The following TSHR variants were observed in gnomAD, a reference collection of about 807,000 sequenced individuals.
TSHR encodes thyroid stimulating hormone receptor.
Under a neutral mutation model 64.1 loss-of-function variants are expected in TSHR, and 51 were observed. The ratio of observed to expected loss-of-function variants is 0.80; its 90% confidence interval spans 0.64 to 1.01. TSHR has a LOEUF of 1.01. TSHR is among the 50% of genes least tolerant of loss of function. The pLI is 0.00. For synonymous variants in TSHR, 361 were observed against 361.9 expected (o/e 1.00, Z 0.03); for missense variants, 877 against 942.8 (o/e 0.93, Z 0.91).
At chr14:81,002,726 G>A (rs1889384322) in intron 1 of TSHR, among the ~76,000 whole-genome samples, 1 of 141,550 alleles carries the variant, frequency 7.1e-6, no homozygotes, top group African/African-American at 2.7e-5. Flanking sequence ...AATCTGGTTT[G>A]CTATCCTATT....
intron 1 of TSHR, among the ~76,000 whole-genome samples, chr14:81,003,973 T>C (rs553536923): frequency 6.6e-6 from 1 of 152,214 alleles, no homozygotes; most frequent in Non-Finnish European, 1.5e-5. Context: ...AACTATCATG[T>C]AGACCAGTGG....
At chr14:81,068,157 G>T in intron 2 of TSHR, 97 bp from the exon 3 acceptor site, 1 of 1,113,960 alleles carries the variant, frequency 9.0e-7, no homozygotes, top group South Asian at 1.3e-5. Flanking sequence ...TGCATGATCT[G>T]GGAAGCGCAT....
intron 1 of TSHR, chr14:80,982,087 T>C: frequency 1.9e-6 from 1 of 530,770 alleles, no homozygotes; most frequent in South Asian, 2.1e-5. Context: ...ACGGGTGTGG[T>C]TAGGCCTGTA....
At chr14:81,107,094 T>C (rs1323032905) in intron 7 of TSHR, 1 of 152,182 alleles carries the variant, frequency 6.6e-6, no homozygotes, top group Non-Finnish European at 1.5e-5. Context: ...CACTGGTGAT[T>C]GGTAAAACTC....
At chr14:81,015,873 G>A (rs778598349) in intron 1 of TSHR, among the ~76,000 whole-genome samples, 7 of 151,922 alleles carry the variant, frequency 4.6e-5, no homozygotes, top group Non-Finnish European at 8.8e-5. Context: ...AGATCATGCG[G>A]TATTTGTCTT....
intron 1 of TSHR, among the ~76,000 whole-genome samples, chr14:80,971,422 TTC>T (rs898888814): frequency 2.0e-5 from 3 of 152,212 alleles, no homozygotes; most frequent in Non-Finnish European, 4.4e-5. Context: ...CTACTTTTGA[TTC>T]TCTCTATTGA....
chr14:81,092,846 C>T (rs1052429824), intron 6 of TSHR, among the ~76,000 whole-genome samples: 9 of 152,122 alleles, frequency 5.9e-5, no homozygotes, highest in Admixed American at 2.0e-4. Flanking sequence ...ACATTTTTCA[C>T]GTGAAGAACC....
At chr14:81,014,871 C>A (rs940042076) in intron 1 of TSHR, among the ~76,000 whole-genome samples, 1 of 152,158 alleles carries the variant, frequency 6.6e-6, no homozygotes, top group African/African-American at 2.4e-5. Context: ...AGAAACTTCA[C>A]GAGTGTCCAG....
At position 81,144,541 on chromosome 14, in the gene TSHR, A is replaced by C; in HGVS notation, c.*188A>C. The C allele has an allele frequency of 1.6e-6, 1 of 640,276 alleles. No homozygotes were observed. Among genetic ancestry groups the C allele is most frequent in the Non-Finnish European group, 2.7e-6 (1 of 372,994 alleles). 39.7% of individuals were successfully genotyped at this position (640,276 alleles called of 1,614,324 possible). A position where few individuals can be genotyped will look rare whatever the true frequency, so the allele number is the denominator to read the frequency against. On this transcript the variant is annotated 3_prime_UTR_variant, in exon 10 of 10. Coordinates refer to ENST00000298171, the MANE Select transcript of TSHR (RefSeq NM_000369.5). ...TAGTATTAACCTAATCATTGCCCCC[A>C]AGAAGGAAGTTAGGCTACCAGCATA...
chr14:81,070,268 C>T (rs972494604), intron 3 of TSHR, among the ~76,000 whole-genome samples: 4 of 152,060 alleles, frequency 2.6e-5, no homozygotes, highest in Admixed American at 1.3e-4. Flanking sequence ...AGGATAAATA[C>T]GAAGAAAGCT....
chr14:81,047,423 G>A (rs1384323028), intron 1 of TSHR, among the ~76,000 whole-genome samples: 1 of 152,122 alleles, frequency 6.6e-6, no homozygotes, highest in Non-Finnish European at 1.5e-5. Context: ...ATTTTTGAAT[G>A]CCTAGCCCAT....
chr14:81,044,304 T>G (rs879579236), intron 1 of TSHR, among the ~76,000 whole-genome samples: 1 of 152,124 alleles, frequency 6.6e-6, no homozygotes, highest in Non-Finnish European at 1.5e-5. Flanking sequence ...AAGACATACA[T>G]GGGACCAACA....
At chr14:81,068,549 G>C in intron 3 of TSHR, 1 of 524,948 alleles carries the variant, frequency 1.9e-6, no homozygotes, top group Non-Finnish European at 3.5e-6. Flanking sequence ...TAAAAGTTCT[G>C]TTCTTGAACC....
At chr14:81,036,845 T>C (rs974352781) in intron 1 of TSHR, among the ~76,000 whole-genome samples, 1 of 152,116 alleles carries the variant, frequency 6.6e-6, no homozygotes, top group Non-Finnish European at 1.5e-5. Flanking sequence ...AACAAAGTTA[T>C]AAATTTGGTG....
chr14:81,028,318 T>G (rs1566770342), intron 1 of TSHR, among the ~76,000 whole-genome samples: 1 of 152,080 alleles, frequency 6.6e-6, no homozygotes, highest in Non-Finnish European at 1.5e-5. Flanking sequence ...CAAAAAAATT[T>G]AATCGCAAAA....
intron 1 of TSHR, among the ~76,000 whole-genome samples, chr14:81,010,890 T>C (rs1323828124): frequency 6.6e-6 from 1 of 152,174 alleles, no homozygotes; most frequent in Non-Finnish European, 1.5e-5. Flanking sequence ...AAACTGAAGT[T>C]GGGTAAATCT....
rs112898362 is a variant in TSHR at position 81,036,201 on chromosome 14, G to A, written c.171-25947G>A. Among the ~76,000 whole-genome samples the A allele has an allele frequency of 6.4e-3, 967 of 152,254 alleles. 10 individuals carry two copies. Among genetic ancestry groups the A allele is most frequent in the Middle Eastern group, 0.031 (9 of 294 alleles). Reference sequence around the variant, plus strand: ...AAAACAACAGTTAAAAACTTCCCACGTCTTTGGAGAGATATGTACATCCAG... The same window carrying A: ...AAAACAACAGTTAAAAACTTCCCACATCTTTGGAGAGATATGTACATCCAG... On this transcript the variant is annotated intron_variant, in intron 1 of 9. Coordinates refer to ENST00000298171, the MANE Select transcript of TSHR (RefSeq NM_000369.5).
intron 5 of TSHR, among the ~76,000 whole-genome samples, chr14:81,092,220 TG>T (rs1345930201): frequency 6.6e-6 from 1 of 152,166 alleles, no homozygotes; most frequent in Non-Finnish European, 1.5e-5. Context: ...GACAAAGTGT[TG>T]CAGATTCGGG....
rs138131425 is a variant in TSHR, at chr14:81,124,710, A to AT, written c.693-14960dup. Among the ~76,000 whole-genome samples the AT allele has an allele frequency of 2.0e-3, 305 of 151,068 alleles. 2 individuals are homozygous for AT. The highest frequency in any genetic ancestry group is 1.8e-3 in the Non-Finnish European group (119 of 67,694). On this transcript the variant is annotated intron_variant, in intron 8 of 9. Coordinates refer to ENST00000298171, the MANE Select transcript of TSHR (RefSeq NM_000369.5). ...ATACTGGCCAATGCTTTTAATTGTC[A>AT]TTTTTTTTTATTCTAGCCATTCTAA...
Sources: allele counts gnomAD v4.1 joint callset (sites outside exome capture counted in the v4.1 genomes callset), GRCh38; gene constraint gnomAD v4.1.1; transcripts MANE v1.5; gene names NCBI Gene and HGNC (gene_info 2026-07-23, HGNC 2026-07-21).